TRIM8: variants seen among roughly 807,000 people sequenced by gnomAD.
The protein encoded by TRIM8 is E3 ubiquitin-protein ligase TRIM8.
TRIM8 carries 9 observed loss-of-function variants against 55.7 expected under a neutral mutation model. The observed-to-expected ratio is 0.16, with a 90% CI of 0.10 to 0.28. TRIM8 has a LOEUF of 0.28. Among genes scored for constraint, TRIM8 ranks in the 10% least tolerant of loss-of-function variants. The probability of loss-of-function intolerance (pLI) is 1.00; values close to 1 mark genes in which losing one functional copy is unlikely to be tolerated. For synonymous variants in TRIM8, 335 were observed against 333.3 expected, an observed-to-expected ratio of 1.01 and a Z score of -0.06; for missense variants, 556 against 736.4, an observed-to-expected ratio of 0.76 and a Z score of 2.83.
In TRIM8 at chr10:102,644,965, G is replaced by A. The variant is rs2063921190; in HGVS notation, c.348G>A (p.Gln116=). 6.3e-7 allele frequency: 1 copy of A among 1,598,362 alleles called. No individual in the cohort carries two copies. The highest frequency in any genetic ancestry group is 8.5e-7 in the Non-Finnish European group (1 of 1,173,780). ...TGCGCTGCGAGGCGCCCTGCTGCCAGTCCCACGTGCAGACGCACCTGCAGC... is the reference window on the plus strand; with the variant it reads ...TGCGCTGCGAGGCGCCCTGCTGCCAATCCCACGTGCAGACGCACCTGCAGC... ...VCLRCEAPCC[Q]SHVQTHLQQP... Residue 116 remains glutamine, a synonymous_variant, in exon 1 of 6, where the codon CAG becomes CAA. Transcript: ENST00000643721.
chr10:102,652,897 G>A (rs968608861), intron 1 of TRIM8, among the ~76,000 whole-genome samples: 2 of 151,376 alleles, frequency 1.3e-5, no homozygotes, highest in Admixed American at 6.6e-5. Flanking sequence ...TTCGTCTCCC[G>A]GGTTCAAGTG....
In TRIM8 at chr10:102,645,717, G is replaced by A. The variant is rs1415723081; in HGVS notation, c.570+530G>A. On this transcript the variant is annotated intron_variant, in intron 1 of 5. Transcript: ENST00000643721. ...GGGGAGTGGGGGGAGTTTCCAGAGG[G>A]AGAGCAGAACTCCGGCCGTCTCTCT... The A allele has an allele frequency of 2.6e-5, 4 of 152,770 alleles. No individual in the cohort carries two copies. In the East Asian group the frequency reaches 7.7e-4, roughly 29 times the overall value. The allele number at this position is 152,770 out of a possible 1,614,324, so 9.5% of individuals were successfully genotyped here. A position where few individuals can be genotyped will look rare whatever the true frequency, so the allele number is the denominator to read the frequency against.
intron 1 of TRIM8, among the ~76,000 whole-genome samples, chr10:102,650,943 A>G (rs1289167621): frequency 2.0e-5 from 3 of 152,020 alleles, no homozygotes; most frequent in Non-Finnish European, 4.4e-5. Flanking sequence ...GCAGGCAGGT[A>G]TTTCCCATCT....
chr10:102,648,278 C>A (rs554939204), intron 1 of TRIM8, among the ~76,000 whole-genome samples: 10 of 152,226 alleles, frequency 6.6e-5, no homozygotes, highest in African/African-American at 2.2e-4. Flanking sequence ...TATCTCATGA[C>A]CCCCCATGAC....
chr10:102,650,135 T>C (rs937806095), intron 1 of TRIM8, among the ~76,000 whole-genome samples: 5 of 152,134 alleles, frequency 3.3e-5, no homozygotes, highest in African/African-American at 1.2e-4. Flanking sequence ...ACCTTGTTTC[T>C]CTTCAAGGTT....
chr10:102,646,286 C>T (rs372044423), intron 1 of TRIM8, among the ~76,000 whole-genome samples: 66 of 151,582 alleles, frequency 4.4e-4, no homozygotes, highest in African/African-American at 1.5e-3. Context: ...TGAAGCCCCA[C>T]CTTGGGGCCT....
chr10:102,655,865 T>G (rs2064019332), intron 3 of TRIM8, among the ~76,000 whole-genome samples: 1 of 152,106 alleles, frequency 6.6e-6, no homozygotes, highest in Non-Finnish European at 1.5e-5. Flanking sequence ...TCCTCGGGTA[T>G]GGATGAAGTT....
rs11550359 is a variant in TRIM8 at position 102,644,923 on chromosome 10, C to G, written c.306C>G (p.Pro102=). 2.5e-6 allele frequency: 4 copies of G among 1,604,862 alleles called. No individual in the cohort carries two copies. The highest frequency in any genetic ancestry group is 2.6e-6 in the Non-Finnish European group (3 of 1,176,122). The stretch of plus-strand genomic sequence containing the variant: ...TCTGCCGCCGCGGCCCCCCGCTGCC[C>G]GCGCAGAAGGTCTGCCTGCGCTGCG... ...CVFCRRGPPL[P]AQKVCLRCEA... The change falls in exon 1 of 6, where the codon CCC becomes CCG. Residue 102 remains proline, a synonymous_variant. Transcript: ENST00000643721.
chr10:102,650,009 C>T (rs2063970902), intron 1 of TRIM8, among the ~76,000 whole-genome samples: 1 of 27,096 alleles, frequency 3.7e-5, no homozygotes. Context: ...AGAGGCTGCC[C>T]AGCCCCCTCT....
At chr10:102,653,005 G>GT (rs2063997078) in intron 1 of TRIM8, among the ~76,000 whole-genome samples, 1 of 152,148 alleles carries the variant, frequency 6.6e-6, no homozygotes, top group African/African-American at 2.4e-5. Flanking sequence ...GTTTCTCCAT[G>GT]TTAGGCTGGT....
At chr10:102,646,812 G>A (rs1289508141) in intron 1 of TRIM8, among the ~76,000 whole-genome samples, 1 of 152,156 alleles carries the variant, frequency 6.6e-6, no homozygotes, top group Non-Finnish European at 1.5e-5. Context: ...TTCTGTCCTG[G>A]GATTGGCAGT....
rs747747823 is a variant in TRIM8, at chr10:102,644,749, C to T, written c.132C>T (p.Ala44=). ...FCRGCIGEAW[A]KDSGLVRCPE... ...GGGGCTGCATCGGCGAGGCGTGGGC[C>T]AAGGACAGCGGCCTCGTACGCTGCC... Residue 44 remains alanine (A), a synonymous_variant, in exon 1 of 6, where the codon GCC becomes GCT. Transcript: ENST00000643721. The T allele has an allele frequency of 4.3e-6, 7 of 1,613,272 alleles. No homozygotes were observed. Among genetic ancestry groups the T allele is most frequent in the Middle Eastern group, 3.3e-4 (2 of 6,058 alleles).
rs775170274 is a variant in TRIM8, at chr10:102,657,404, G to T, written c.*50G>T. 2 of 1,516,480 alleles carry T rather than the reference G, an allele frequency of 1.3e-6. No individual in the cohort carries two copies. The highest frequency in any genetic ancestry group is 1.4e-5 in the African/African-American group (1 of 71,826). The allele number at this position is 1,516,480 out of a possible 1,614,324, so 93.9% of individuals were successfully genotyped here. On this transcript the variant is annotated 3_prime_UTR_variant, in exon 6 of 6. Transcript: ENST00000643721. ...GGGAATCTTCCTCCCCAGCCCCCGG[G>T]CTCGGGAGTTATGCATCCAGAGACC...
intron 1 of TRIM8, among the ~76,000 whole-genome samples, chr10:102,651,345 C>A (rs1399389653): frequency 6.6e-6 from 1 of 152,206 alleles, no homozygotes; most frequent in African/African-American, 2.4e-5. Context: ...GAGCCCCACC[C>A]CCCCAGGACT....
chr10:102,644,736 G>A lies in TRIM8; in HGVS notation c.119G>A (p.Gly40Asp). The A allele has an allele frequency of 1.9e-6, 3 of 1,613,316 alleles. No homozygotes were observed. The highest frequency in any genetic ancestry group is 2.5e-6 in the Non-Finnish European group (3 of 1,179,858). ...CKHNFCRGCI[G>D]EAWAKDSGLV... is the part of the protein sequence containing the mutation. ...CACAACTTCTGCCGGGGCTGCATCGGCGAGGCGTGGGCCAAGGACAGCGGC... is the reference window on the plus strand; with the variant it reads ...CACAACTTCTGCCGGGGCTGCATCGACGAGGCGTGGGCCAAGGACAGCGGC... The change falls in exon 1 of 6, where the codon GGC becomes GAC. Residue 40 changes from glycine (G) to aspartate (D), a missense_variant. This residue lies in a region of TRIM8 where 165 missense variants were observed against 295.3 expected (regional missense o/e 0.56). Coordinates refer to ENST00000643721, the MANE Select transcript of TRIM8 (RefSeq NM_030912.3).
intron 1 of TRIM8, among the ~76,000 whole-genome samples, chr10:102,650,202 A>C (rs966330998): frequency 7.2e-5 from 11 of 152,168 alleles, no homozygotes; most frequent in African/African-American, 2.7e-4. Flanking sequence ...AGAGTCCCCA[A>C]GCCTCACCCG....
chr10:102,654,591 G>A (rs748601206), intron 1 of TRIM8, 62 bp from the exon 2 acceptor site: 1 of 1,283,334 alleles, frequency 7.8e-7, no homozygotes, highest in Non-Finnish European at 1.1e-6. Context: ...TGTGTAGAGG[G>A]AAGCATGGGT....
intron 1 of TRIM8, among the ~76,000 whole-genome samples, chr10:102,649,005 G>T (rs1382159369): frequency 1.3e-5 from 2 of 150,188 alleles, no homozygotes; most frequent in African/African-American, 4.9e-5. Flanking sequence ...TGCGGCCCTG[G>T]GTGGCTGCAC....
At chr10:102,649,101 C>G (rs1215413646) in intron 1 of TRIM8, 1 of 152,364 alleles carries the variant, frequency 6.6e-6, no homozygotes, top group Non-Finnish European at 1.5e-5. Flanking sequence ...TTGGATGTGA[C>G]TGATCTTTTT....
Sources: allele counts gnomAD v4.1 joint callset (sites outside exome capture counted in the v4.1 genomes callset), GRCh38; gene constraint gnomAD v4.1.1; regional missense constraint gnomAD v4.1.1; transcripts MANE v1.5; gene names NCBI Gene and HGNC (gene_info 2026-07-23, HGNC 2026-07-21).